Variants in PTPRN2 observed in about 807,000 individuals in gnomAD.
PTPRN2 encodes receptor-type tyrosine-protein phosphatase N2.
A neutral mutation model predicts 118.8 loss-of-function variants in PTPRN2; 74 were observed. The observed-to-expected ratio is 0.62, with a 90% CI of 0.52 to 0.76. The LOEUF is 0.76. Ranked by LOEUF, PTPRN2 falls within the 30% of genes least tolerant of loss-of-function variation. The pLI is 0.00. For synonymous variants in PTPRN2, 641 were observed against 608.0 expected, an observed-to-expected ratio of 1.05 and a Z score of -0.80; for missense variants, 1,481 against 1,394.4, an observed-to-expected ratio of 1.06 and a Z score of -0.99.
At chr7:157,911,844 T>C (rs187234472) in intron 11 of PTPRN2, among the ~76,000 whole-genome samples, 83 of 152,188 alleles carry the variant, frequency 5.5e-4, no homozygotes, top group African/African-American at 1.9e-3. Flanking sequence ...ACACGTTCTG[T>C]GATGTGCCTT....
At chr7:158,055,700 C>G (rs1020287418) in intron 11 of PTPRN2, among the ~76,000 whole-genome samples, 7 of 152,354 alleles carry the variant, frequency 4.6e-5, no homozygotes, top group Non-Finnish European at 8.8e-5. Flanking sequence ...GGAAGGGCCC[C>G]CTGTCCAGTG....
chr7:157,675,636 G>C (rs548235681), intron 13 of PTPRN2, among the ~76,000 whole-genome samples: 6 of 152,356 alleles, frequency 3.9e-5, no homozygotes, highest in African/African-American at 1.4e-4. Context: ...GTGCGGAAAC[G>C]GGTACCCTGG....
chr7:158,544,393 T>C lies in PTPRN2; in HGVS notation c.112+43165A>G, dbSNP rs1391295131. 6.6e-6 allele frequency among the ~76,000 whole-genome samples: 1 copy of C among 152,132 alleles called. No individual in the cohort carries two copies. Among genetic ancestry groups the C allele is most frequent in the Non-Finnish European group, 1.5e-5 (1 of 68,022 alleles). ...GCTCATGCCTGTAATCCCAGCACTT[T>C]GGGAGGCCAAGGCGGATGGATCACT... On this transcript the variant is annotated intron_variant, in intron 1 of 22. Coordinates refer to ENST00000389418, the MANE Select transcript of PTPRN2 (RefSeq NM_002847.5). This position sits in a 1 kb window ranked among gnomAD's most constrained non-coding sequence, Gnocchi z 4.2.
At chr7:157,922,862 C>T (rs538194589) in intron 11 of PTPRN2, among the ~76,000 whole-genome samples, 1 of 152,360 alleles carries the variant, frequency 6.6e-6, no homozygotes, top group East Asian at 1.9e-4. Flanking sequence ...CTTACAAAAA[C>T]CTATTTGCTG....
At chr7:157,968,981 G>A (rs897945154) in intron 11 of PTPRN2, among the ~76,000 whole-genome samples, 24 of 152,294 alleles carry the variant, frequency 1.6e-4, no homozygotes, top group African/African-American at 5.3e-4. Context: ...TCCTTGTCCA[G>A]GTAGCCACAA....
intron 12 of PTPRN2, among the ~76,000 whole-genome samples, chr7:157,722,231 G>A (rs1799278912): frequency 2.0e-5 from 3 of 152,242 alleles, no homozygotes; most frequent in Admixed American, 2.0e-4. Flanking sequence ...GAGACCACGT[G>A]TGCCATGTGC....
chr7:157,854,012 G>C (rs1809493356), intron 12 of PTPRN2, among the ~76,000 whole-genome samples: 1 of 152,184 alleles, frequency 6.6e-6, no homozygotes, highest in Non-Finnish European at 1.5e-5. Flanking sequence ...TCTTCTCCGA[G>C]GGCCTCAGAA....
At position 158,425,315 on chromosome 7, in the gene PTPRN2, A is replaced by T. The variant is rs71547537; in HGVS notation, c.163+64420T>A. Among the ~76,000 whole-genome samples, 6 of 115,078 alleles carry T rather than the reference A, an allele frequency of 5.2e-5. 3 individuals are homozygous for T. Among genetic ancestry groups the T allele is most frequent in the East Asian group, 5.2e-4 (2 of 3,826 alleles). The allele number at this position is 115,078 out of a possible 152,430, so 75.5% of individuals were successfully genotyped here. The stretch of plus-strand genomic sequence containing the variant: ...CTGCGCACCGCCGGGAAAGACCCAG[A>T]GTCCGAGACCAGCCTAGCTGAGGCC... On this transcript the variant is annotated intron_variant, in intron 2 of 22. Transcript: ENST00000389418.
rs1812379332 is a variant in PTPRN2, at chr7:158,076,603, C to G, written c.1723+4695G>C. 3.9e-5 allele frequency among the ~76,000 whole-genome samples: 6 copies of G among 152,238 alleles called. 1 individual carries two copies. Among genetic ancestry groups the G allele is most frequent in the Admixed American group, 3.9e-4 (6 of 15,284 alleles). ...AGTTCCCACACTATGAAGTCCGATTCTGAATTCCACCTTGCCAGCCTCTTA... is the reference window on the plus strand; with the variant it reads ...AGTTCCCACACTATGAAGTCCGATTGTGAATTCCACCTTGCCAGCCTCTTA... On this transcript the variant is annotated intron_variant, in intron 11 of 22. Coordinates refer to ENST00000389418, the MANE Select transcript of PTPRN2 (RefSeq NM_002847.5).
intron 2 of PTPRN2, among the ~76,000 whole-genome samples, chr7:158,417,957 G>A (rs1276416974): frequency 2.7e-5 from 4 of 148,224 alleles, no homozygotes; most frequent in East Asian, 2.1e-4. Flanking sequence ...GTACTACATC[G>A]AGATGCTCTA....
At chr7:158,320,597 G>A (rs1038747366) in intron 2 of PTPRN2, among the ~76,000 whole-genome samples, 3 of 151,228 alleles carry the variant, frequency 2.0e-5, no homozygotes, top group Non-Finnish European at 2.9e-5. Context: ...GCAGCGCTGG[G>A]TGACACTTGG....
intron 1 of PTPRN2, among the ~76,000 whole-genome samples, chr7:158,569,877 G>A (rs568540981): frequency 6.8e-6 from 1 of 148,058 alleles, no homozygotes; most frequent in South Asian, 2.1e-4. Context: ...CGCGGGGCGC[G>A]AGGCCGCCTG....
intron 2 of PTPRN2, among the ~76,000 whole-genome samples, chr7:158,372,363 CAGG>C (rs1229459022): frequency 2.6e-5 from 3 of 114,424 alleles, no homozygotes; most frequent in Non-Finnish European, 3.6e-5. Flanking sequence ...TGGACACCCC[CAGG>C]CTGGACCCCA....
At chr7:158,070,307 C>CATGGTGGAGGTG (rs1563386115) in intron 11 of PTPRN2, among the ~76,000 whole-genome samples, 1 of 140,620 alleles carries the variant, frequency 7.1e-6, no homozygotes, top group Non-Finnish European at 1.5e-5. Context: ...TGGAGGTGCT[C>CATGGTGGAGGTG]CTGGTGGTGG....
chr7:157,904,616 C>T (rs1009324315), intron 11 of PTPRN2, among the ~76,000 whole-genome samples: 17 of 152,378 alleles, frequency 1.1e-4, no homozygotes, highest in African/African-American at 3.8e-4. Flanking sequence ...TTTTCGGGGG[C>T]GTCTACGCGT....
chr7:158,500,817 C>T (rs1822305461), intron 1 of PTPRN2, among the ~76,000 whole-genome samples: 1 of 152,262 alleles, frequency 6.6e-6, no homozygotes, highest in African/African-American at 2.4e-5. Context: ...AACAAAGCTG[C>T]GGGGCCCAGT....
At chr7:158,325,523 T>A (rs1308204991) in intron 2 of PTPRN2, among the ~76,000 whole-genome samples, 2 of 152,260 alleles carry the variant, frequency 1.3e-5, no homozygotes, top group African/African-American at 4.8e-5. Flanking sequence ...TTCAATCATT[T>A]GTGTAAACAG....
chr7:158,007,022 G>T (rs2128865234), intron 11 of PTPRN2, among the ~76,000 whole-genome samples: 1 of 152,254 alleles, frequency 6.6e-6, no homozygotes, highest in Admixed American at 6.5e-5. Context: ...CTGAGGTCCG[G>T]GCTTCGGTTT....
intron 6 of PTPRN2, among the ~76,000 whole-genome samples, chr7:158,163,493 C>T (rs1050082001): frequency 6.7e-5 from 10 of 149,098 alleles, no homozygotes; most frequent in African/African-American, 2.0e-4. Context: ...GATACCTGTA[C>T]GGGGTTCTCA....
Sources: allele counts gnomAD v4.1 joint callset (sites outside exome capture counted in the v4.1 genomes callset), GRCh38; gene constraint gnomAD v4.1.1; non-coding constraint Gnocchi (gnomAD v3.1); transcripts MANE v1.5; gene names NCBI Gene and HGNC (gene_info 2026-07-23, HGNC 2026-07-21).